The following RIMS2 variants were observed in gnomAD, a reference collection of about 807,000 sequenced individuals.
The protein encoded by RIMS2 is regulating synaptic membrane exocytosis 2.
Under a neutral mutation model 174.4 loss-of-function variants are expected in RIMS2, and 59 were observed. That is an observed-to-expected ratio of 0.34 (90% CI 0.27 to 0.42). The LOEUF (loss-of-function observed/expected upper bound fraction) is 0.42, where lower values mean the gene tolerates loss of function less well. RIMS2 is among the 10% of genes least tolerant of loss of function. The pLI, the probability that RIMS2 is intolerant of heterozygous loss-of-function variation, is 1.00. For synonymous variants in RIMS2, 606 were observed against 572.5 expected, an observed-to-expected ratio of 1.06 and a Z score of -0.84; for missense variants, 1,620 against 1,666.3, an observed-to-expected ratio of 0.97 and a Z score of 0.48.
intron 3 of RIMS2, among the ~76,000 whole-genome samples, chr8:103,793,662 G>A (rs1156867299): frequency 1.3e-5 from 2 of 152,262 alleles, no homozygotes; most frequent in Middle Eastern, 3.4e-3. Context: ...CAGATGACAT[G>A]ATTGTATACA....
chr8:103,709,182 A>C (rs768190405), intron 2 of RIMS2, among the ~76,000 whole-genome samples: 2 of 152,278 alleles, frequency 1.3e-5, no homozygotes, highest in Non-Finnish European at 2.9e-5. Context: ...TATGACTAGA[A>C]CTTTAATTTG....
At position 103,669,284 on chromosome 8, in the gene RIMS2, C is replaced by G. The variant is rs543833119; in HGVS notation, c.177-27802C>G. 1.4e-4 allele frequency among the ~76,000 whole-genome samples: 22 copies of G among 152,250 alleles called. No homozygotes were observed. The East Asian group carries it at 3.3e-3, about 23-fold the overall frequency. On this transcript the variant is annotated intron_variant, in intron 1 of 23. Transcript: ENST00000504942. ...TGCCCCCATGATTCAGTTGTCTCCC[C>G]CTGGGTTCTTCCCAAAACGTGGGAA...
At chr8:104,063,526 A>G (rs940092825) in intron 19 of RIMS2, among the ~76,000 whole-genome samples, 2 of 152,218 alleles carry the variant, frequency 1.3e-5, no homozygotes, top group Non-Finnish European at 1.5e-5. Flanking sequence ...GGTAAGGAAT[A>G]GAGGGAATGT....
At chr8:104,133,570 C>G (rs2098491429) in intron 19 of RIMS2, among the ~76,000 whole-genome samples, 1 of 152,152 alleles carries the variant, frequency 6.6e-6, no homozygotes, top group Non-Finnish European at 1.5e-5. Context: ...TAGTAGCAGA[C>G]TGCCATAAAA....
chr8:103,895,799 T>C (rs2099274292), intron 4 of RIMS2, among the ~76,000 whole-genome samples: 1 of 151,606 alleles, frequency 6.6e-6, no homozygotes, highest in Non-Finnish European at 1.5e-5. Flanking sequence ...TATAGTAACT[T>C]TCTTGGACTT....
intron 1 of RIMS2, among the ~76,000 whole-genome samples, chr8:103,542,204 A>G (rs1300496597): frequency 2.0e-5 from 3 of 152,168 alleles, no homozygotes; most frequent in Non-Finnish European, 1.5e-5. Context: ...AAAGTCTACT[A>G]TGAATAACTA....
At chr8:103,825,082 T>C (rs2098780141) in intron 3 of RIMS2, among the ~76,000 whole-genome samples, 1 of 152,082 alleles carries the variant, frequency 6.6e-6, no homozygotes, top group African/African-American at 2.4e-5. Context: ...TTTATTAATC[T>C]CTGAATTCCC....
intron 21 of RIMS2, 124 bp from the exon 28 acceptor site, chr8:104,249,363 G>A (rs2099351552): frequency 5.4e-6 from 3 of 556,348 alleles, no homozygotes; most frequent in Non-Finnish European, 6.5e-6. Context: ...AGAATTTTAA[G>A]TATATTTGAA....
chr8:103,880,595 GA>G (rs1160047059), intron 3 of RIMS2: 2 of 458,830 alleles, frequency 4.4e-6, no homozygotes, highest in Admixed American at 3.6e-5. Context: ...GCCAGGGCTA[GA>G]AGGATTAAAT....
intron 19 of RIMS2, among the ~76,000 whole-genome samples, chr8:104,038,810 G>A (rs919833499): frequency 2.6e-5 from 4 of 151,582 alleles, no homozygotes; most frequent in African/African-American, 7.2e-5. Context: ...AACCAAAAAT[G>A]TTTTAAATAT....
At chr8:104,030,492 TG>T in intron 19 of RIMS2, among the ~76,000 whole-genome samples, 1 of 152,228 alleles carries the variant, frequency 6.6e-6, no homozygotes, top group Non-Finnish European at 1.5e-5. Context: ...TTTTGTTCCA[TG>T]GCCTATAAGG....
chr8:103,925,762 G>A (rs1451545963), intron 10 of RIMS2, among the ~76,000 whole-genome samples: 2 of 151,696 alleles, frequency 1.3e-5, no homozygotes, highest in East Asian at 1.9e-4. Context: ...AGATGGAAAA[G>A]TAGGGAGTGA....
chr8:104,109,262 A>G (rs1198373596), intron 19 of RIMS2, among the ~76,000 whole-genome samples: 3 of 142,228 alleles, frequency 2.1e-5, no homozygotes, highest in Non-Finnish European at 4.5e-5. Flanking sequence ...GCACCATTGC[A>G]CTCCAGCCTG....
chr8:104,162,612 G>A (rs1227271047), intron 19 of RIMS2, among the ~76,000 whole-genome samples: 4 of 151,952 alleles, frequency 2.6e-5, no homozygotes, highest in African/African-American at 7.2e-5. Flanking sequence ...TATTATTAGG[G>A]GGGGAGATCT....
intron 1 of RIMS2, among the ~76,000 whole-genome samples, chr8:103,574,719 G>A (rs545228679): frequency 2.0e-5 from 3 of 152,260 alleles, no homozygotes; most frequent in South Asian, 2.1e-4. Flanking sequence ...ATGAACTTTA[G>A]TAATTGTAAC....
chr8:103,943,147 G>A (rs2082931326), intron 14 of RIMS2, among the ~76,000 whole-genome samples: 1 of 152,156 alleles, frequency 6.6e-6, no homozygotes. Context: ...CAATGTTGAA[G>A]TGGTTTATAT....
intron 1 of RIMS2, among the ~76,000 whole-genome samples, chr8:103,592,785 A>G (rs796673033): frequency 6.6e-6 from 1 of 151,578 alleles, no homozygotes; most frequent in African/African-American, 2.4e-5. Context: ...CACATGCAGA[A>G]AATAAAAGTC....
At chr8:103,600,077 T>C (rs139330957) in intron 1 of RIMS2, among the ~76,000 whole-genome samples, 26 of 152,242 alleles carry the variant, frequency 1.7e-4, no homozygotes, top group African/African-American at 6.3e-4. Flanking sequence ...ACCCTCCTTC[T>C]ACTCTCTATC....
intron 3 of RIMS2, among the ~76,000 whole-genome samples, chr8:103,846,141 A>G (rs2098966822): frequency 6.6e-6 from 1 of 152,146 alleles, no homozygotes; most frequent in Admixed American, 6.6e-5. Context: ...GATGACTATA[A>G]GTCAGAATCT....
Sources: allele counts gnomAD v4.1 joint callset (sites outside exome capture counted in the v4.1 genomes callset), GRCh38; gene constraint gnomAD v4.1.1; transcripts MANE v1.5; gene names NCBI Gene and HGNC (gene_info 2026-07-23, HGNC 2026-07-21).